Variants in SLC24A2 observed in about 807,000 individuals in gnomAD.
The protein encoded by SLC24A2 is sodium/potassium/calcium exchanger 2.
A neutral mutation model predicts 62.0 loss-of-function variants in SLC24A2; 36 were observed. The ratio of observed to expected loss-of-function variants is 0.58; its 90% CI spans 0.44 to 0.77. The LOEUF (loss-of-function observed/expected upper bound fraction) is 0.77. Among genes scored for constraint, SLC24A2 ranks in the 30% least tolerant of loss-of-function variants. The pLI is 0.00. For missense variants in SLC24A2, 846 were observed against 817.9 expected, an observed-to-expected ratio of 1.03 and a Z score of -0.42; for synonymous variants, 358 against 294.0, an observed-to-expected ratio of 1.22 and a Z score of -2.23.
At chr9:20,068,879 T>A in the SLC24A2 span, among the ~76,000 whole-genome samples, 25 of 152,318 alleles carry the variant, frequency 1.6e-4, 1 homozygote, top group East Asian at 2.5e-3. Flanking sequence ...TTTCAATTTT[T>A]CATGTTTATT....
chr9:20,082,954 C>A, the SLC24A2 span, among the ~76,000 whole-genome samples: 14 of 152,198 alleles, frequency 9.2e-5, no homozygotes, highest in African/African-American at 3.1e-4. Flanking sequence ...TTCTGTGTCT[C>A]AATAGAGAAA....
the SLC24A2 span, among the ~76,000 whole-genome samples, chr9:19,912,748 A>T: frequency 6.6e-6 from 1 of 152,114 alleles, no homozygotes; most frequent in African/African-American, 2.4e-5. Flanking sequence ...TATCCCATCA[A>T]CCTGCATCCC....
chr9:20,160,007 G>C, the SLC24A2 span, among the ~76,000 whole-genome samples: 19 of 151,288 alleles, frequency 1.3e-4, no homozygotes, highest in Non-Finnish European at 2.5e-4. Context: ...TTTTCAAATG[G>C]GTTTGTAAAG....
chr9:20,030,421 G>C, the SLC24A2 span, among the ~76,000 whole-genome samples: 2 of 152,170 alleles, frequency 1.3e-5, no homozygotes, highest in East Asian at 3.8e-4. Context: ...GTACAACCAT[G>C]CAGAAAGGCA....
At chr9:19,766,925 G>A (rs1404359408) in intron 2 of SLC24A2, among the ~76,000 whole-genome samples, 1 of 152,140 alleles carries the variant, frequency 6.6e-6, no homozygotes, top group African/African-American at 2.4e-5. Context: ...TCTGCCCCAG[G>A]GAGATGGGAG....
the SLC24A2 span, among the ~76,000 whole-genome samples, chr9:19,999,543 A>C: frequency 6.6e-6 from 1 of 152,222 alleles, no homozygotes; most frequent in South Asian, 2.1e-4. Flanking sequence ...AGTCTGAGTA[A>C]ACTCTATATT....
the SLC24A2 span, among the ~76,000 whole-genome samples, chr9:20,271,580 A>G: frequency 2.3e-4 from 35 of 152,248 alleles, no homozygotes; most frequent in Admixed American, 6.5e-5. Context: ...TAGGTGCAAT[A>G]GACAAATGAT....
chr9:19,603,448 T>C (rs779840435), intron 4 of SLC24A2, among the ~76,000 whole-genome samples: 5 of 151,988 alleles, frequency 3.3e-5, no homozygotes, highest in Non-Finnish European at 5.9e-5. Flanking sequence ...GTTTCTTTCA[T>C]AGAAACAGGA....
the SLC24A2 span, among the ~76,000 whole-genome samples, chr9:20,122,964 G>C: frequency 4.6e-5 from 7 of 152,132 alleles, no homozygotes; most frequent in Non-Finnish European, 1.0e-4. Context: ...TTGTCTTAAA[G>C]ACCAGCAACA....
the SLC24A2 span, among the ~76,000 whole-genome samples, chr9:19,910,161 A>G: frequency 6.6e-6 from 1 of 152,080 alleles, no homozygotes; most frequent in Non-Finnish European, 1.5e-5. Flanking sequence ...CCTCAGAGTA[A>G]TCCATGCTGC....
intron 2 of SLC24A2, among the ~76,000 whole-genome samples, chr9:19,735,475 A>C (rs1821479984): frequency 6.6e-6 from 1 of 152,122 alleles, no homozygotes; most frequent in East Asian, 1.9e-4. Flanking sequence ...TAGAACTAGA[A>C]ATACCATTTG....
chr9:19,722,721 C>T (rs1821063285), intron 2 of SLC24A2, among the ~76,000 whole-genome samples: 2 of 151,486 alleles, frequency 1.3e-5, no homozygotes, highest in Admixed American at 1.3e-4. Flanking sequence ...CTTGAAGAGC[C>T]TATGCAACGG....
At chr9:19,553,675 C>A (rs1055027559) in intron 7 of SLC24A2, among the ~76,000 whole-genome samples, 1 of 152,210 alleles carries the variant, frequency 6.6e-6, no homozygotes, top group African/African-American at 2.4e-5. Context: ...AGTGTCTGCT[C>A]AGGCTGTGAT....
chr9:20,293,314 G>C, the SLC24A2 span, among the ~76,000 whole-genome samples: 1 of 152,164 alleles, frequency 6.6e-6, no homozygotes, highest in African/African-American at 2.4e-5. Flanking sequence ...AGAAAGGTAG[G>C]GTTGGCTCCC....
At chr9:19,682,305 CG>C (rs1282294601) in intron 2 of SLC24A2, among the ~76,000 whole-genome samples, 2 of 152,102 alleles carry the variant, frequency 1.3e-5, no homozygotes, top group Non-Finnish European at 2.9e-5. Flanking sequence ...TGATAGTAGA[CG>C]GTTGCATACA....
chr9:20,303,596 C>T, the SLC24A2 span, among the ~76,000 whole-genome samples: 115,133 of 151,880 alleles, frequency 0.76, 44,115 homozygotes, highest in Middle Eastern at 0.92. Context: ...GGAGGTTTGC[C>T]AAAACAATCA....
At chr9:19,659,761 T>C (rs1049085689) in intron 2 of SLC24A2, among the ~76,000 whole-genome samples, 1 of 152,076 alleles carries the variant, frequency 6.6e-6, no homozygotes, top group Non-Finnish European at 1.5e-5. Context: ...AGCTCTTAAG[T>C]GAGCTGATTT....
At chr9:19,657,642 C>T (rs1818979468) in intron 2 of SLC24A2, among the ~76,000 whole-genome samples, 1 of 152,142 alleles carries the variant, frequency 6.6e-6, no homozygotes, top group Non-Finnish European at 1.5e-5. Flanking sequence ...ACCCCAAATC[C>T]TGCTTTTTCA....
At chr9:19,982,221 C>T in the SLC24A2 span, among the ~76,000 whole-genome samples, 1 of 152,056 alleles carries the variant, frequency 6.6e-6, no homozygotes, top group African/African-American at 2.4e-5. Context: ...CACAGAGGCC[C>T]AAAAGAGCTT....
Sources: allele counts gnomAD v4.1 joint callset (sites outside exome capture counted in the v4.1 genomes callset), GRCh38; gene constraint gnomAD v4.1.1; transcripts MANE v1.5; gene names NCBI Gene and HGNC (gene_info 2026-07-23, HGNC 2026-07-21).